The following AGMO variants were observed in gnomAD, a reference collection of about 807,000 sequenced individuals.
AGMO encodes glyceryl-ether monooxygenase.
In AGMO, 75 loss-of-function variants were observed where a neutral mutation model predicts 60.2. The ratio of observed to expected loss-of-function variants is 1.25; its 90% confidence interval spans 1.03 to 1.51. The LOEUF (loss-of-function observed/expected upper bound fraction) is 1.51. Ranked by LOEUF, AGMO falls within the 40% of genes most tolerant of loss-of-function variation. The pLI is 0.00. For missense variants in AGMO, 763 were observed against 525.5 expected (o/e 1.45, Z -4.42); for synonymous variants, 261 against 177.1 (o/e 1.47, Z -3.76).
chr7:15,292,521 C>CT (rs1353116387), intron 12 of AGMO, among the ~76,000 whole-genome samples: 1 of 152,080 alleles, frequency 6.6e-6, no homozygotes, highest in African/African-American at 2.4e-5. Flanking sequence ...GTACTGTGAA[C>CT]ATGATAGTGA....
chr7:15,517,790 C>T (rs1011967397), intron 3 of AGMO, among the ~76,000 whole-genome samples: 7 of 151,656 alleles, frequency 4.6e-5, no homozygotes, highest in African/African-American at 1.7e-4. Flanking sequence ...TTTTTTGTAC[C>T]CCAGTGGTGC....
chr7:15,308,901 C>T (rs1358545550), intron 12 of AGMO, among the ~76,000 whole-genome samples: 1 of 152,100 alleles, frequency 6.6e-6, no homozygotes, highest in Admixed American at 6.6e-5. Context: ...AGATTCAATC[C>T]AATTTGTTAG....
chr7:15,126,610 T>A, the AGMO span, among the ~76,000 whole-genome samples: 2 of 152,032 alleles, frequency 1.3e-5, no homozygotes, highest in African/African-American at 4.8e-5. Context: ...AACCATAAAT[T>A]CTCATCAGAA....
intron 12 of AGMO, among the ~76,000 whole-genome samples, chr7:15,353,186 G>A (rs1038987212): frequency 6.6e-6 from 1 of 152,118 alleles, no homozygotes; most frequent in Non-Finnish European, 1.5e-5. Flanking sequence ...ACTTTAAGCT[G>A]CTGCTCGTAA....
chr7:15,556,641 A>G (rs1031941096), intron 2 of AGMO, among the ~76,000 whole-genome samples: 7 of 152,086 alleles, frequency 4.6e-5, no homozygotes, highest in African/African-American at 1.7e-4. Flanking sequence ...ACAAGCAGGA[A>G]AAAAATGTGA....
the AGMO span, among the ~76,000 whole-genome samples, chr7:15,151,840 T>C: frequency 6.6e-6 from 1 of 152,176 alleles, no homozygotes; most frequent in South Asian, 2.1e-4. Flanking sequence ...AGGGTTGACT[T>C]TAGGTCCCTA....
At chr7:15,123,315 C>G in the AGMO span, among the ~76,000 whole-genome samples, 3 of 151,988 alleles carry the variant, frequency 2.0e-5, no homozygotes, top group Admixed American at 2.0e-4. Flanking sequence ...AGATAGTATA[C>G]AGTTTAGCTA....
At chr7:15,399,392 C>G (rs1159473023) in intron 5 of AGMO, among the ~76,000 whole-genome samples, 2 of 152,064 alleles carry the variant, frequency 1.3e-5, no homozygotes, top group Non-Finnish European at 2.9e-5. Flanking sequence ...ATTTCCTTTG[C>G]CTTTCTTAGT....
intron 12 of AGMO, among the ~76,000 whole-genome samples, chr7:15,212,230 T>C (rs910585295): frequency 6.8e-6 from 1 of 147,076 alleles, no homozygotes. Context: ...ACTATTTATT[T>C]AGTGTTAGGT....
At chr7:15,368,245 G>A (rs112344341) in intron 10 of AGMO, among the ~76,000 whole-genome samples, 1 of 148,184 alleles carries the variant, frequency 6.7e-6, no homozygotes, top group African/African-American at 2.5e-5. Context: ...TTTGATATGT[G>A]AAGGTCGGCG....
intron 1 of AGMO, 150 bp from the exon 2 acceptor site, chr7:15,560,421 C>T (rs1785273137): frequency 1.4e-6 from 1 of 704,244 alleles, no homozygotes; most frequent in Non-Finnish European, 2.2e-6. Flanking sequence ...TTACTTCCTA[C>T]ACAGTGGTAA....
At chr7:15,213,808 G>A (rs1781661889) in intron 12 of AGMO, among the ~76,000 whole-genome samples, 1 of 151,976 alleles carries the variant, frequency 6.6e-6, no homozygotes, top group South Asian at 2.1e-4. Flanking sequence ...GGTAGATAAA[G>A]CATCAGCAGT....
At chr7:15,265,080 A>T (rs867605947) in intron 12 of AGMO, among the ~76,000 whole-genome samples, 2 of 152,300 alleles carry the variant, frequency 1.3e-5, no homozygotes, top group Middle Eastern at 3.4e-3. Context: ...ATATGTATAC[A>T]CTATGGAATA....
chr7:15,196,346 G>A (rs1438927047), downstream of AGMO, among the ~76,000 whole-genome samples: 2 of 152,096 alleles, frequency 1.3e-5, no homozygotes, highest in Non-Finnish European at 2.9e-5. Flanking sequence ...ACCACGCCCG[G>A]CTGGCTCCGT....
intron 3 of AGMO, 102 bp downstream of exon 3, chr7:15,544,670 T>G: frequency 9.9e-7 from 1 of 1,010,214 alleles, no homozygotes; most frequent in Non-Finnish European, 1.3e-6. Flanking sequence ...ATATACTATT[T>G]TATTCCTGTA....
intron 4 of AGMO, among the ~76,000 whole-genome samples, chr7:15,421,747 A>C (rs1403356005): frequency 6.6e-6 from 1 of 152,060 alleles, no homozygotes; most frequent in Non-Finnish European, 1.5e-5. Flanking sequence ...CTATTGAGTA[A>C]GATTTTGGAA....
intron 10 of AGMO, among the ~76,000 whole-genome samples, chr7:15,372,988 G>A (rs1296999547): frequency 1.3e-5 from 2 of 152,132 alleles, no homozygotes; most frequent in Admixed American, 6.5e-5. Context: ...TTTCACTACT[G>A]TGTGGTGGCT....
At chr7:15,360,731 T>C (rs1401319205) in intron 12 of AGMO, among the ~76,000 whole-genome samples, 1 of 152,016 alleles carries the variant, frequency 6.6e-6, no homozygotes, top group Non-Finnish European at 1.5e-5. Flanking sequence ...CACATATACA[T>C]GGACCTGTGC....
chr7:15,352,647 G>GA (rs1782291308), intron 12 of AGMO, among the ~76,000 whole-genome samples: 1 of 151,828 alleles, frequency 6.6e-6, no homozygotes, highest in East Asian at 1.9e-4. Context: ...TGATGGTAGG[G>GA]AAACCAGCTT....
Sources: allele counts gnomAD v4.1 joint callset (sites outside exome capture counted in the v4.1 genomes callset), GRCh38; gene constraint gnomAD v4.1.1; transcripts MANE v1.5; gene names NCBI Gene and HGNC (gene_info 2026-07-23, HGNC 2026-07-21).